Variants in SHANK2 observed in about 807,000 individuals in gnomAD.
SHANK2 encodes SH3 and multiple ankyrin repeat domains protein 2.
A neutral mutation model predicts 133.7 loss-of-function variants in SHANK2; 43 were observed. That is an observed-to-expected ratio of 0.32 (90% CI 0.25 to 0.41). SHANK2 has a LOEUF of 0.41. Among genes scored for constraint, SHANK2 ranks in the 10% least tolerant of loss-of-function variants. The pLI is 1.00. For missense variants in SHANK2, 1,994 were observed against 2,235.8 expected, an observed-to-expected ratio of 0.89 and a Z score of 2.18; for synonymous variants, 1,017 against 952.8, an observed-to-expected ratio of 1.07 and a Z score of -1.24.
intron 17 of SHANK2, among the ~76,000 whole-genome samples, chr11:70,561,877 G>A (rs2059911912): frequency 6.6e-6 from 1 of 152,072 alleles, no homozygotes; most frequent in Admixed American, 6.6e-5. Context: ...AGCTTCTAAA[G>A]GTAGAAGCTG....
chr11:70,671,670 C>T (rs946750247), intron 15 of SHANK2, among the ~76,000 whole-genome samples: 8 of 152,302 alleles, frequency 5.3e-5, no homozygotes, highest in East Asian at 3.9e-4. Context: ...GCAAGACACA[C>T]GGGTGTGTTA....
chr11:70,782,890 G>C (rs1947537754), intron 14 of SHANK2, among the ~76,000 whole-genome samples: 1 of 152,116 alleles, frequency 6.6e-6, no homozygotes, highest in African/African-American at 2.4e-5. Flanking sequence ...GGTGACACGT[G>C]GGCACCATTA....
rs114517196 is a variant in SHANK2, at chr11:71,198,085, G to A, written c.-13+26612C>T. On this transcript the variant is annotated intron_variant, in intron 2 of 25. Coordinates refer to ENST00000601538, the MANE Select transcript of SHANK2 (RefSeq NM_012309.5). ...TCCACACCCAGCCTTCAAGGACAGCGGCTTGAGTTTGCATTTTTGCCTTGC... is the reference window on the plus strand; with the variant it reads ...TCCACACCCAGCCTTCAAGGACAGCAGCTTGAGTTTGCATTTTTGCCTTGC... Among the ~76,000 whole-genome samples the A allele has an allele frequency of 6.8e-3, 1,034 of 152,264 alleles. 10 individuals are homozygous for A. Among genetic ancestry groups the A allele is most frequent in the African/African-American group, 0.024 (981 of 41,548 alleles).
rs1250070713 is a variant in SHANK2 at position 70,553,102 on chromosome 11, A to AT, written c.2062-50172dup. On this transcript the variant is annotated intron_variant, in intron 17 of 25. Coordinates refer to ENST00000601538, the MANE Select transcript of SHANK2 (RefSeq NM_012309.5). Reference sequence around the variant, plus strand: ...TCATTTGACTTTAATAATCTCCTTTATTTTTTTTTGAGACAGAGTCTTGCT... The same window carrying AT: ...TCATTTGACTTTAATAATCTCCTTTATTTTTTTTTTGAGACAGAGTCTTGCT... 5.8e-4 allele frequency among the ~76,000 whole-genome samples: 87 copies of AT among 150,322 alleles called. 2 individuals are homozygous for AT. Among genetic ancestry groups the AT allele is most frequent in the Admixed American group, 2.8e-3 (42 of 15,084 alleles).
intron 2 of SHANK2, among the ~76,000 whole-genome samples, chr11:71,182,136 C>A: frequency 6.6e-6 from 1 of 151,366 alleles, no homozygotes; most frequent in African/African-American, 2.4e-5. Flanking sequence ...GCAGCATCTT[C>A]TTTAGGCAAA....
At chr11:70,644,421 C>T (rs2061232767) in intron 17 of SHANK2, among the ~76,000 whole-genome samples, 1 of 152,144 alleles carries the variant, frequency 6.6e-6, no homozygotes, top group Admixed American at 6.5e-5. Flanking sequence ...TGAGCGGAAT[C>T]ATACAGTTCA....
intron 1 of SHANK2, among the ~76,000 whole-genome samples, chr11:71,227,348 C>G: frequency 6.6e-6 from 1 of 151,612 alleles, no homozygotes; most frequent in African/African-American, 2.4e-5. Flanking sequence ...AATATAATGC[C>G]ATAGGTAGGA....
intron 17 of SHANK2, among the ~76,000 whole-genome samples, chr11:70,564,266 T>C (rs12287756): frequency 0.93 from 130,128 of 140,524 alleles, 60,481 homozygotes; most frequent in South Asian, 0.98. Flanking sequence ...CTTTTCTTTT[T>C]TTTTTTTTTT....
At chr11:70,769,823 G>A (rs1485295339) in intron 14 of SHANK2, among the ~76,000 whole-genome samples, 6 of 23,834 alleles carry the variant, frequency 2.5e-4, no homozygotes, top group African/African-American at 6.4e-4. Flanking sequence ...ATTTGCACGT[G>A]TGTAGGTGTG....
chr11:71,105,611 A>AG lies in SHANK2; in HGVS notation c.592+4329_592+4330insC, dbSNP rs1361461322. ...AGTCTAAAAAAAAAAAAAAAAAAAA[A>AG]AAAGAAAGGGTCAGCAGCTGCCAGG... On this transcript the variant is annotated intron_variant, in intron 6 of 25. Transcript: ENST00000601538. Among the ~76,000 whole-genome samples the AG allele has an allele frequency of 3.0e-3, 453 of 149,578 alleles. 3 individuals are homozygous for AG. The highest frequency in any genetic ancestry group is 4.2e-3 in the Non-Finnish European group (284 of 67,644).
At chr11:71,231,169 A>T (rs1308385735) in intron 1 of SHANK2, among the ~76,000 whole-genome samples, 1 of 152,266 alleles carries the variant, frequency 6.6e-6, no homozygotes, top group Non-Finnish European at 1.5e-5. Context: ...CCACATATTT[A>T]ACAAATAATT....
intron 17 of SHANK2, among the ~76,000 whole-genome samples, chr11:70,606,199 C>T (rs901034450): frequency 6.6e-6 from 1 of 152,146 alleles, no homozygotes; most frequent in Admixed American, 6.5e-5. Flanking sequence ...GCTCTTCTGG[C>T]TCCATTGCCC....
At chr11:70,515,662 AT>A (rs1447750158) in intron 17 of SHANK2, among the ~76,000 whole-genome samples, 2 of 138,276 alleles carry the variant, frequency 1.4e-5, no homozygotes, top group East Asian at 4.6e-4. Context: ...AAAAAAAAAC[AT>A]TTAAAAGTTA....
chr11:71,201,438 G>A (rs566317387), intron 2 of SHANK2, among the ~76,000 whole-genome samples: 2 of 152,200 alleles, frequency 1.3e-5, no homozygotes, highest in African/African-American at 2.4e-5. Flanking sequence ...TGATCACCAC[G>A]CTGTGTCCAC....
intron 1 of SHANK2, among the ~76,000 whole-genome samples, chr11:71,238,054 T>G (rs1477788185): frequency 3.9e-5 from 6 of 152,182 alleles, no homozygotes; most frequent in Non-Finnish European, 7.4e-5. Context: ...AGGGTGGGAC[T>G]CAGGGGGCCC....
chr11:70,904,181 A>T (rs1555077430), intron 10 of SHANK2, among the ~76,000 whole-genome samples: 1 of 152,192 alleles, frequency 6.6e-6, no homozygotes, highest in Non-Finnish European at 1.5e-5. Flanking sequence ...GGTGAGAAGG[A>T]TCAGACTGCC....
intron 17 of SHANK2, among the ~76,000 whole-genome samples, chr11:70,656,030 C>T (rs1347672754): frequency 6.6e-6 from 1 of 152,268 alleles, no homozygotes; most frequent in East Asian, 1.9e-4. Context: ...AAGTGGCGTC[C>T]CCACCTCCAC....
chr11:70,847,876 C>T (rs1381983135), intron 11 of SHANK2, among the ~76,000 whole-genome samples: 2 of 152,236 alleles, frequency 1.3e-5, no homozygotes, highest in Admixed American at 6.5e-5. Context: ...GGCTTGGAGA[C>T]GGTTCCCAGT....
At chr11:70,660,813 G>T (rs1166304123) in intron 16 of SHANK2, among the ~76,000 whole-genome samples, 1 of 152,232 alleles carries the variant, frequency 6.6e-6, no homozygotes, top group East Asian at 1.9e-4. Context: ...GCCAGCTGGG[G>T]AGGAGGCCTC....
Sources: allele counts gnomAD v4.1 joint callset (sites outside exome capture counted in the v4.1 genomes callset), GRCh38; gene constraint gnomAD v4.1.1; transcripts MANE v1.5; gene names NCBI Gene and HGNC (gene_info 2026-07-23, HGNC 2026-07-21).